TMEM132B: variants seen among roughly 807,000 people sequenced by gnomAD.
The protein encoded by TMEM132B is transmembrane protein 132B.
TMEM132B carries 18 observed loss-of-function variants against 90.8 expected under a neutral mutation model. The ratio of observed to expected loss-of-function variants is 0.20; its 90% confidence interval spans 0.14 to 0.29. TMEM132B has a LOEUF of 0.29. Ranked by LOEUF, TMEM132B falls within the 10% of genes least tolerant of loss-of-function variation. The probability of loss-of-function intolerance (pLI) is 1.00; values close to 1 mark genes in which losing one functional copy is unlikely to be tolerated. For missense variants in TMEM132B, 1,096 were observed against 1,326.8 expected, an observed-to-expected ratio of 0.83 and a Z score of 2.70; for synonymous variants, 504 against 523.3, an observed-to-expected ratio of 0.96 and a Z score of 0.50.
intron 1 of TMEM132B, among the ~76,000 whole-genome samples, chr12:125,258,765 C>T (rs1874495368): frequency 6.6e-6 from 1 of 152,080 alleles, no homozygotes; most frequent in South Asian, 2.1e-4. Flanking sequence ...ATGCAATGTG[C>T]CACATGCAGA....
intron 3 of TMEM132B, among the ~76,000 whole-genome samples, chr12:125,443,402 CTG>C (rs1318967314): frequency 2.0e-5 from 3 of 152,160 alleles, no homozygotes; most frequent in African/African-American, 7.2e-5. Context: ...GCCCCTTTCT[CTG>C]TGAACTCCAG....
chr12:125,631,533 T>C (rs535433967), intron 5 of TMEM132B, among the ~76,000 whole-genome samples: 1 of 152,156 alleles, frequency 6.6e-6, no homozygotes, highest in Non-Finnish European at 1.5e-5. Flanking sequence ...TTAAGTCCAC[T>C]GTTTCTTTGT....
At chr12:125,632,845 G>T (rs1886398240) in intron 5 of TMEM132B, among the ~76,000 whole-genome samples, 1 of 151,992 alleles carries the variant, frequency 6.6e-6, no homozygotes, top group Non-Finnish European at 1.5e-5. Context: ...TGATATTGGA[G>T]AGTTTATTAA....
chr12:125,610,327 A>G (rs922022970), intron 5 of TMEM132B, among the ~76,000 whole-genome samples: 1 of 152,206 alleles, frequency 6.6e-6, no homozygotes, highest in Non-Finnish European at 1.5e-5. Context: ...TTACGGTGGC[A>G]TAAGATCGTC....
At chr12:125,299,210 C>A (rs1051284852) in intron 1 of TMEM132B, among the ~76,000 whole-genome samples, 1 of 152,178 alleles carries the variant, frequency 6.6e-6, no homozygotes, top group African/African-American at 2.4e-5. Context: ...GCTGTACCCC[C>A]CACTGTACTA....
intron 3 of TMEM132B, among the ~76,000 whole-genome samples, chr12:125,483,340 G>A (rs556363094): frequency 2.5e-4 from 38 of 152,104 alleles, no homozygotes; most frequent in Non-Finnish European, 4.7e-4. Context: ...CTGTGTTTTA[G>A]TGGTTTACAG....
chr12:125,317,103 G>A (rs144393702), intron 1 of TMEM132B, among the ~76,000 whole-genome samples: 2 of 151,868 alleles, frequency 1.3e-5, no homozygotes, highest in Non-Finnish European at 2.9e-5. Context: ...TTGTTATCCC[G>A]ATCCTTCTCC....
intron 3 of TMEM132B, among the ~76,000 whole-genome samples, chr12:125,472,201 C>T (rs1881741928): frequency 6.6e-6 from 1 of 152,104 alleles, no homozygotes; most frequent in Non-Finnish European, 1.5e-5. Flanking sequence ...GGAGAAACTC[C>T]ATGGTTTATA....
rs929278948 is a variant in TMEM132B at position 125,186,483 on chromosome 12, A to G, written c.-317A>G. Among the ~76,000 whole-genome samples the G allele has an allele frequency of 1.4e-5, 2 of 145,484 alleles. No individual in the cohort carries two copies. Among genetic ancestry groups the G allele is most frequent in the African/African-American group, 4.9e-5 (2 of 40,728 alleles). ...CGGGATGGGACGGGCGCTGGGGCGC[A>G]GGAGCCGCGGCGGCGGCGGCGGCGG... On this transcript the variant is annotated 5_prime_UTR_variant, in exon 1 of 9. Transcript: ENST00000682704. The surrounding 1 kb of genome is among the most constrained non-coding windows in gnomAD (Gnocchi z 6.3).
intron 5 of TMEM132B, chr12:125,586,626 T>C (rs1885184533): frequency 6.6e-6 from 1 of 152,278 alleles, no homozygotes; most frequent in Admixed American, 6.5e-5. Flanking sequence ...CTCATGACTT[T>C]GTCTGGCATA....
At chr12:125,571,934 A>G (rs1342256687) in intron 4 of TMEM132B, among the ~76,000 whole-genome samples, 1 of 152,220 alleles carries the variant, frequency 6.6e-6, no homozygotes, top group Non-Finnish European at 1.5e-5. Flanking sequence ...CAAAAGAAAA[A>G]TACATTTTTC....
At position 125,396,495 on chromosome 12, in the gene TMEM132B, A is replaced by C. The variant is rs79563133; in HGVS notation, c.960-19036A>C. 6.7e-3 allele frequency among the ~76,000 whole-genome samples: 1,027 copies of C among 152,202 alleles called. 11 individuals carry two copies. Among genetic ancestry groups the C allele is most frequent in the African/African-American group, 0.023 (966 of 41,526 alleles). The stretch of plus-strand genomic sequence containing the variant: ...AATCCCTGCAGTGACACTGTGAGGT[A>C]GGTACTATTATTTATTTGTTTGTTT... On this transcript the variant is annotated intron_variant, in intron 2 of 8. Coordinates refer to ENST00000682704, the MANE Select transcript of TMEM132B (RefSeq NM_001366854.1).
At chr12:125,244,776 C>A (rs374942834) in intron 1 of TMEM132B, among the ~76,000 whole-genome samples, 3 of 152,170 alleles carry the variant, frequency 2.0e-5, no homozygotes, top group East Asian at 3.9e-4. Context: ...ATCTAGGCAG[C>A]CGTTGCAGGA....
rs910473200 is a variant in TMEM132B at position 125,349,028 on chromosome 12, A to G, written c.68-424A>G. On this transcript the variant is annotated intron_variant, in intron 1 of 8. Transcript: ENST00000682704. This position sits in a 1 kb window ranked among gnomAD's most constrained non-coding sequence, Gnocchi z 4.1. ...ACTTATAGAAGTGATAGAGAGCAGC[A>G]TAAATATCAAAGTAATAAGGCACTA... Among the ~76,000 whole-genome samples, 22 of 152,242 alleles carry G rather than the reference A, an allele frequency of 1.4e-4. No homozygotes were observed. The highest frequency in any genetic ancestry group is 5.1e-4 in the African/African-American group (21 of 41,470).
At chr12:125,393,777 A>G (rs1374566025) in intron 2 of TMEM132B, among the ~76,000 whole-genome samples, 2 of 152,214 alleles carry the variant, frequency 1.3e-5, no homozygotes, top group Non-Finnish European at 2.9e-5. Flanking sequence ...AGGGAAGTGA[A>G]TTATAGTGAT....
chr12:125,467,769 TTTCTCATA>T (rs1445152899), intron 3 of TMEM132B, among the ~76,000 whole-genome samples: 19 of 152,358 alleles, frequency 1.2e-4, no homozygotes, highest in African/African-American at 4.1e-4. Context: ...CCCATTCTCC[TTTCTCATA>T]TTCTCATAAC....
intron 1 of TMEM132B, among the ~76,000 whole-genome samples, chr12:125,329,111 C>T (rs910307617): frequency 3.9e-5 from 6 of 152,048 alleles, no homozygotes; most frequent in Admixed American, 1.3e-4. Flanking sequence ...GGTGAGGTTG[C>T]GAGGGTGGGG....
At chr12:125,243,708 C>T (rs1343873034) in intron 1 of TMEM132B, among the ~76,000 whole-genome samples, 1 of 152,208 alleles carries the variant, frequency 6.6e-6, no homozygotes, top group Non-Finnish European at 1.5e-5. Context: ...CCCTTTCCCC[C>T]CATCCCTCTT....
At chr12:125,244,228 A>G (rs1024053313) in intron 1 of TMEM132B, among the ~76,000 whole-genome samples, 1 of 152,060 alleles carries the variant, frequency 6.6e-6, no homozygotes, top group Non-Finnish European at 1.5e-5. Flanking sequence ...GAGTGTGTAC[A>G]TTTTTCCCGA....
Sources: gnomAD v4.1 joint callset for allele counts (sites outside exome capture counted in the v4.1 genomes callset) on GRCh38, gnomAD v4.1.1 for gene constraint, Gnocchi (gnomAD v3.1) non-coding constraint, MANE v1.5 for transcripts, NCBI Gene and HGNC (gene_info 2026-07-23, HGNC 2026-07-21) for gene names.